KCND2: variants seen among roughly 807,000 people sequenced by gnomAD.
KCND2 encodes the protein A-type voltage-gated potassium channel KCND2.
KCND2 carries 16 observed loss-of-function variants against 54.4 expected under a neutral mutation model. The observed-to-expected ratio is 0.29, with a 90% CI of 0.20 to 0.45. The LOEUF (loss-of-function observed/expected upper bound fraction) is 0.45. Among genes scored for constraint, KCND2 ranks in the 20% least tolerant of loss-of-function variants. KCND2 has a pLI of 1.00. For synonymous variants in KCND2, 317 were observed against 310.7 expected (o/e 1.02, Z -0.21); for missense variants, 486 against 824.2 (o/e 0.59, Z 5.02).
chr7:120,639,620 A>C (rs1793346810), intron 1 of KCND2, among the ~76,000 whole-genome samples: 1 of 152,172 alleles, frequency 6.6e-6, no homozygotes, highest in Admixed American at 6.6e-5. Flanking sequence ...TGAAATATTA[A>C]AGTCAGTTCA....
At chr7:120,681,222 GA>G (rs1792134410) in intron 1 of KCND2, among the ~76,000 whole-genome samples, 1 of 152,032 alleles carries the variant, frequency 6.6e-6, no homozygotes, top group Non-Finnish European at 1.5e-5. Flanking sequence ...AGGATTCCAG[GA>G]CCTCTGCTGC....
chr7:120,598,023 C>T, intron 1 of KCND2, among the ~76,000 whole-genome samples: 1 of 151,360 alleles, frequency 6.6e-6, no homozygotes, highest in Admixed American at 6.6e-5. Context: ...AGCATTTAGC[C>T]TCCCCTGAAA....
chr7:120,563,889 C>T (rs1049596505), intron 1 of KCND2, among the ~76,000 whole-genome samples: 2 of 152,154 alleles, frequency 1.3e-5, no homozygotes, highest in Non-Finnish European at 2.9e-5. Flanking sequence ...TCCCAAAGTT[C>T]CCCTTGAAGC....
At chr7:120,350,079 T>C (rs908593410) in intron 1 of KCND2, among the ~76,000 whole-genome samples, 1 of 152,102 alleles carries the variant, frequency 6.6e-6, no homozygotes, top group Non-Finnish European at 1.5e-5. Context: ...TTCAGACATA[T>C]AATAATATCA....
chr7:120,336,475 T>G (rs1468233900), intron 1 of KCND2, among the ~76,000 whole-genome samples: 1 of 152,188 alleles, frequency 6.6e-6, no homozygotes, highest in African/African-American at 2.4e-5. Flanking sequence ...GAAGCCAGGT[T>G]CCGTATATTA....
intron 1 of KCND2, among the ~76,000 whole-genome samples, chr7:120,357,430 C>T (rs1487847033): frequency 6.6e-6 from 1 of 152,054 alleles, no homozygotes; most frequent in African/African-American, 2.4e-5. Flanking sequence ...TAGTTTAAAT[C>T]TTCCTAAAGA....
chr7:120,530,027 C>G (rs375113208), intron 1 of KCND2, among the ~76,000 whole-genome samples: 2 of 152,102 alleles, frequency 1.3e-5, no homozygotes, highest in East Asian at 3.9e-4. Flanking sequence ...GAGCCATGAT[C>G]ATGCCACTGC....
chr7:120,621,129 C>T (rs1448943013), intron 1 of KCND2, among the ~76,000 whole-genome samples: 3 of 151,552 alleles, frequency 2.0e-5, no homozygotes, highest in Non-Finnish European at 2.9e-5. Context: ...AAAAATTAGC[C>T]AGGCATGGTG....
At chr7:120,747,621 T>C (rs1345890289) in intron 5 of KCND2, 60 bp from the exon 6 acceptor site, 3 of 1,187,552 alleles carry the variant, frequency 2.5e-6, no homozygotes, top group African/African-American at 3.0e-5. Context: ...TATTCTTCAG[T>C]TGTATGAAAA....
At chr7:120,405,738 A>T (rs745717651) in intron 1 of KCND2, among the ~76,000 whole-genome samples, 7 of 152,108 alleles carry the variant, frequency 4.6e-5, no homozygotes, top group Admixed American at 1.3e-4. Context: ...TGGTTACTGA[A>T]CTACTTGTCA....
chr7:120,438,985 T>A (rs1297084428), intron 1 of KCND2, among the ~76,000 whole-genome samples: 1 of 152,152 alleles, frequency 6.6e-6, no homozygotes, highest in Non-Finnish European at 1.5e-5. Context: ...TTAAATCTTG[T>A]TCAGCATGGC....
intron 1 of KCND2, among the ~76,000 whole-genome samples, chr7:120,709,199 C>T (rs1792507993): frequency 6.6e-6 from 1 of 152,072 alleles, no homozygotes; most frequent in Admixed American, 6.6e-5. Context: ...CCACAGTTTT[C>T]TCTTGACTTG....
At chr7:120,547,857 T>G (rs986298302) in intron 1 of KCND2, among the ~76,000 whole-genome samples, 1 of 152,038 alleles carries the variant, frequency 6.6e-6, no homozygotes, top group Non-Finnish European at 1.5e-5. Flanking sequence ...GCAGTCAGCT[T>G]TCTTCACCTT....
At chr7:120,547,017 T>G (rs1376845844) in intron 1 of KCND2, among the ~76,000 whole-genome samples, 3 of 151,956 alleles carry the variant, frequency 2.0e-5, no homozygotes, top group African/African-American at 7.2e-5. Context: ...ATCAGAAATG[T>G]TAACAGCTGT....
chr7:120,657,076 AC>A (rs1433041746), intron 1 of KCND2, among the ~76,000 whole-genome samples: 3 of 152,130 alleles, frequency 2.0e-5, no homozygotes, highest in South Asian at 2.1e-4. Flanking sequence ...GTAAAAAAAA[AC>A]AATTCTGTTT....
chr7:120,616,205 C>A (rs1257646218), intron 1 of KCND2, among the ~76,000 whole-genome samples: 1 of 152,154 alleles, frequency 6.6e-6, no homozygotes, highest in African/African-American at 2.4e-5. Context: ...TATTAAAATT[C>A]TATTTGCCAT....
intron 1 of KCND2, among the ~76,000 whole-genome samples, chr7:120,594,255 C>T (rs554254392): frequency 1.1e-4 from 16 of 152,308 alleles, no homozygotes; most frequent in South Asian, 2.1e-4. Context: ...ACACACTGAA[C>T]GCACAAGTAG....
At chr7:120,716,683 C>T (rs1355504940) in intron 1 of KCND2, among the ~76,000 whole-genome samples, 1 of 152,112 alleles carries the variant, frequency 6.6e-6, no homozygotes, top group Non-Finnish European at 1.5e-5. Context: ...GTGCCCCAGT[C>T]TTCATTTCTA....
chr7:120,375,192 A>C (rs1800819331), intron 1 of KCND2, among the ~76,000 whole-genome samples: 1 of 151,922 alleles, frequency 6.6e-6, no homozygotes, highest in Non-Finnish European at 1.5e-5. Flanking sequence ...TAAACTATGG[A>C]ATTTATGATT....
Sources: gnomAD v4.1 joint callset for allele counts (sites outside exome capture counted in the v4.1 genomes callset) on GRCh38, gnomAD v4.1.1 for gene constraint, MANE v1.5 for transcripts, NCBI Gene and HGNC (gene_info 2026-07-23, HGNC 2026-07-21) for gene names.